The following MGMT variants were observed in gnomAD, a reference collection of about 807,000 sequenced individuals.
MGMT encodes the protein methylated-DNA--protein-cysteine methyltransferase.
MGMT carries 14 observed loss-of-function variants against 15.9 expected under a neutral mutation model. The observed-to-expected ratio is 0.88, with a 90% CI of 0.58 to 1.37. MGMT has a LOEUF of 1.37. Ranked by LOEUF, MGMT falls within the 40% of genes most tolerant of loss-of-function variation. The pLI is 0.00. For missense variants in MGMT, 282 were observed against 268.1 expected (o/e 1.05, Z -0.36); for synonymous variants, 130 against 118.2 (o/e 1.10, Z -0.65).
chr10:129,741,247 GAGCTGA>G (rs1388490968), intron 3 of MGMT, among the ~76,000 whole-genome samples: 1 of 152,198 alleles, frequency 6.6e-6, no homozygotes, highest in African/African-American at 2.4e-5. Flanking sequence ...GTGTCTACTT[GAGCTGA>G]AGCCTTATCA....
At chr10:129,499,537 T>C (rs898640415) in intron 1 of MGMT, among the ~76,000 whole-genome samples, 95 of 152,382 alleles carry the variant, frequency 6.2e-4, no homozygotes, top group African/African-American at 2.0e-3. Flanking sequence ...ATTTTTCTTT[T>C]TCTTACACTT....
At chr10:129,479,957 T>C (rs1461169756) in intron 1 of MGMT, among the ~76,000 whole-genome samples, 2 of 152,246 alleles carry the variant, frequency 1.3e-5, no homozygotes, top group Admixed American at 1.3e-4. Flanking sequence ...TGAGAAATTT[T>C]AAAATATTGA....
At chr10:129,682,991 G>A (rs1247415222) in intron 2 of MGMT, among the ~76,000 whole-genome samples, 1 of 152,156 alleles carries the variant, frequency 6.6e-6, no homozygotes, top group African/African-American at 2.4e-5. Context: ...TGGGATTATA[G>A]GCGCACGCCA....
rs1028587861 is a variant in MGMT, at chr10:129,659,864, G to T, written c.126-48031G>T. Among the ~76,000 whole-genome samples, 1 of 152,156 alleles carries T rather than the reference G, an allele frequency of 6.6e-6. No individual in the cohort carries two copies. Among genetic ancestry groups the T allele is most frequent in the Non-Finnish European group, 1.5e-5 (1 of 68,034 alleles). On this transcript the variant is annotated intron_variant, in intron 2 of 4. Transcript: ENST00000651593. The surrounding 1 kb of genome is among the most constrained non-coding windows in gnomAD (Gnocchi z 4.1). ...CGGATGCCCAGCACCTGATGTTTGG[G>T]CACGGGCGACAGGACGTAGGGTGGT... is the stretch of plus-strand genomic sequence containing the variant.
chr10:129,517,926 TG>T (rs1845757289), intron 1 of MGMT, among the ~76,000 whole-genome samples: 1 of 152,240 alleles, frequency 6.6e-6, no homozygotes, highest in African/African-American at 2.4e-5. Context: ...GTTGTGGCTT[TG>T]TCACCCGCAG....
At chr10:129,588,201 A>G (rs978809293) in intron 2 of MGMT, among the ~76,000 whole-genome samples, 1 of 152,158 alleles carries the variant, frequency 6.6e-6, no homozygotes, top group African/African-American at 2.4e-5. Flanking sequence ...ATACATAGTG[A>G]GCTTGAAAGA....
chr10:129,577,478 G>A (rs1250329464), intron 2 of MGMT, among the ~76,000 whole-genome samples: 1 of 152,184 alleles, frequency 6.6e-6, no homozygotes, highest in East Asian at 1.9e-4. Flanking sequence ...AAACTGGCTA[G>A]CCATATGTAG....
chr10:129,508,666 C>T (rs1466631948), intron 1 of MGMT, among the ~76,000 whole-genome samples: 1 of 152,054 alleles, frequency 6.6e-6, no homozygotes, highest in East Asian at 1.9e-4. Flanking sequence ...CTGCCTCAGC[C>T]TCCCAAGTGG....
At chr10:129,674,182 A>G (rs1847758293) in intron 2 of MGMT, among the ~76,000 whole-genome samples, 1 of 152,190 alleles carries the variant, frequency 6.6e-6, no homozygotes, top group South Asian at 2.1e-4. Flanking sequence ...AAGTCATACA[A>G]TTAGAAACCA....
At chr10:129,628,116 G>A (rs191335959) in intron 2 of MGMT, among the ~76,000 whole-genome samples, 64 of 152,202 alleles carry the variant, frequency 4.2e-4, no homozygotes, top group Non-Finnish European at 2.4e-4. Context: ...GCAGATGAGC[G>A]GCATCCTAAA....
chr10:129,751,720 T>C (rs1401295385), intron 3 of MGMT, among the ~76,000 whole-genome samples: 1 of 152,040 alleles, frequency 6.6e-6, no homozygotes, highest in African/African-American at 2.4e-5. Flanking sequence ...AGTTTCATTC[T>C]GTTCAGTATA....
intron 2 of MGMT, among the ~76,000 whole-genome samples, chr10:129,654,821 G>A (rs1847505668): frequency 6.6e-6 from 1 of 152,160 alleles, no homozygotes; most frequent in African/African-American, 2.4e-5. Context: ...TGAGGGTGGG[G>A]GGCTGTATGG....
chr10:129,637,922 C>A (rs1362911466), intron 2 of MGMT, among the ~76,000 whole-genome samples: 1 of 152,184 alleles, frequency 6.6e-6, no homozygotes, highest in African/African-American at 2.4e-5. Context: ...CTTTAAACCA[C>A]CCGGTCTATG....
At chr10:129,516,461 C>T (rs57322603) in intron 1 of MGMT, among the ~76,000 whole-genome samples, 23,620 of 151,912 alleles carry the variant, frequency 0.16, 2,540 homozygotes, top group African/African-American at 0.3. Context: ...TCCTCTTACC[C>T]GGCATGGTGT....
Position 129,533,156 on chromosome 10 carries a change from G to A in MGMT, c.-12-3085G>A, listed in dbSNP as rs2119753030. On this transcript the variant is annotated intron_variant, in intron 1 of 4. Transcript: ENST00000651593. The surrounding 1 kb of genome is among the most constrained non-coding windows in gnomAD (Gnocchi z 4.5). ...GCCTGCTGTGCCTGGTTGCCCCACA[G>A]ATGTTTCCTGAAGCTTGATTTTGGC... is the stretch of plus-strand genomic sequence containing the variant. 2.0e-5 allele frequency among the ~76,000 whole-genome samples: 3 copies of A among 152,378 alleles called. No individual in the cohort carries two copies. The South Asian group carries it at 6.2e-4, about 32-fold the overall frequency.
chr10:129,739,312 G>A (rs1368790247), intron 3 of MGMT, among the ~76,000 whole-genome samples: 3 of 152,188 alleles, frequency 2.0e-5, no homozygotes, highest in African/African-American at 7.2e-5. Context: ...GGGCAATCAG[G>A]CAAGAGAAAG....
intron 2 of MGMT, among the ~76,000 whole-genome samples, chr10:129,589,891 G>T (rs1207936967): frequency 6.6e-6 from 1 of 152,254 alleles, no homozygotes; most frequent in East Asian, 1.9e-4. Flanking sequence ...CCAGAAGACA[G>T]AGGCAGAGGA....
At chr10:129,506,216 C>A (rs1451841152) in intron 1 of MGMT, among the ~76,000 whole-genome samples, 1 of 152,122 alleles carries the variant, frequency 6.6e-6, no homozygotes, top group Non-Finnish European at 1.5e-5. Flanking sequence ...GGAATTCTCT[C>A]TCCTGCAATG....
intron 2 of MGMT, among the ~76,000 whole-genome samples, chr10:129,539,430 T>C (rs1300622466): frequency 6.6e-6 from 1 of 152,220 alleles, no homozygotes; most frequent in Non-Finnish European, 1.5e-5. Context: ...TTGCTCTGTT[T>C]GGTTCAGCCT....
Sources: allele counts gnomAD v4.1 joint callset (sites outside exome capture counted in the v4.1 genomes callset), GRCh38; gene constraint gnomAD v4.1.1; non-coding constraint Gnocchi (gnomAD v3.1); transcripts MANE v1.5; gene names NCBI Gene and HGNC (gene_info 2026-07-23, HGNC 2026-07-21).